Variants in MAGI3 observed in about 807,000 individuals in gnomAD.
MAGI3 encodes the protein membrane-associated guanylate kinase, WW and PDZ domain-containing protein 3.
A neutral mutation model predicts 121.8 loss-of-function variants in MAGI3; 43 were observed. The observed-to-expected ratio is 0.35, with a 90% confidence interval of 0.28 to 0.46. The LOEUF (loss-of-function observed/expected upper bound fraction) is 0.46, where lower values mean the gene tolerates loss of function less well. MAGI3 is among the 20% of genes least tolerant of loss of function. MAGI3 has a pLI of 1.00. For missense variants in MAGI3, 1,547 were observed against 1,797.3 expected (o/e 0.86, Z 2.52); for synonymous variants, 553 against 639.3 (o/e 0.86, Z 2.04).
rs201415307 is a variant in MAGI3, at chr1:113,580,847, C to CA, written c.553+194dup. On this transcript the variant is annotated intron_variant, in intron 3 of 20. Coordinates refer to ENST00000307546, the MANE Select transcript of MAGI3 (RefSeq NM_001142782.2). ...AATTAAAATGGGATTAAATAATAAG[C>CA]AAAAAAAATCCATCATATTTTAAAG... is the stretch of plus-strand genomic sequence containing the variant. 3.7e-4 allele frequency: 150 copies of CA among 407,666 alleles called. 1 individual carries two copies. The East Asian group carries it at 4.3e-3, about 12-fold the overall frequency. 25.3% of individuals were successfully genotyped at this position (407,666 alleles called of 1,614,324 possible). A position where few individuals can be genotyped will look rare whatever the true frequency, so the allele number is the denominator to read the frequency against.
intron 1 of MAGI3, among the ~76,000 whole-genome samples, chr1:113,442,390 TA>T (rs201700990): frequency 6.6e-5 from 10 of 151,190 alleles, no homozygotes; most frequent in African/African-American, 1.2e-4. Context: ...CATGGGGAAA[TA>T]AAAAAAAATT....
chr1:113,548,889 C>T (rs1004383189), intron 1 of MAGI3, among the ~76,000 whole-genome samples: 4 of 152,146 alleles, frequency 2.6e-5, no homozygotes, highest in African/African-American at 9.7e-5. Flanking sequence ...TCAAATATGT[C>T]TTGGAAGTAG....
intron 1 of MAGI3, among the ~76,000 whole-genome samples, chr1:113,514,725 T>G (rs1451974491): frequency 6.6e-6 from 1 of 151,968 alleles, no homozygotes; most frequent in Non-Finnish European, 1.5e-5. Context: ...TGTATACATA[T>G]AGTAACTAAC....
chr1:113,609,018 G>A (rs993876350), intron 6 of MAGI3, among the ~76,000 whole-genome samples: 1 of 152,018 alleles, frequency 6.6e-6, no homozygotes, highest in African/African-American at 2.4e-5. Context: ...TTTAATATGG[G>A]CTACTCTCCC....
Position 113,685,677 on chromosome 1 carries a change from C to CTAT in MAGI3, c.*1665_*1667dup, listed in dbSNP as rs1338016844. On this transcript the variant is annotated 3_prime_UTR_variant, in exon 21 of 21. Coordinates refer to ENST00000307546, the MANE Select transcript of MAGI3 (RefSeq NM_001142782.2). Reference sequence around the variant, plus strand: ...AGTCCACAATTAGTGATAACGAATCCTATTTTTGTTAACTGTGACATAACT... The same window carrying CTAT: ...AGTCCACAATTAGTGATAACGAATCCTATTATTTTTGTTAACTGTGACATAACT... The CTAT allele has an allele frequency of 6.6e-6, 1 of 152,260 alleles. No homozygotes were observed. Among genetic ancestry groups the CTAT allele is most frequent in the African/African-American group, 2.4e-5 (1 of 41,416 alleles). 9.4% of individuals were successfully genotyped at this position (152,260 alleles called of 1,614,324 possible).
At chr1:113,573,360 C>T (rs554184862) in intron 2 of MAGI3, among the ~76,000 whole-genome samples, 1 of 152,350 alleles carries the variant, frequency 6.6e-6, no homozygotes, top group Admixed American at 6.5e-5. Context: ...CTAAACACTG[C>T]TTTAGCTGTG....
chr1:113,482,668 A>G (rs987132217), intron 1 of MAGI3, among the ~76,000 whole-genome samples: 1 of 134,894 alleles, frequency 7.4e-6, no homozygotes, highest in Non-Finnish European at 1.6e-5. Flanking sequence ...TTTTTTTTTT[A>G]ACCACTGGAG....
At chr1:113,552,246 T>G (rs1169863093) in intron 2 of MAGI3, among the ~76,000 whole-genome samples, 2 of 152,226 alleles carry the variant, frequency 1.3e-5, no homozygotes, top group Non-Finnish European at 2.9e-5. Context: ...AGCTTTTTCT[T>G]TACTCGTTTT....
chr1:113,681,291 GTTC>G lies in MAGI3; in HGVS notation c.3292_3294del (p.Leu1099del), dbSNP rs755903634. 8 of 1,614,080 alleles carry G rather than the reference GTTC, an allele frequency of 5.0e-6. No homozygotes were observed. The highest frequency in any genetic ancestry group is 1.7e-5 in the Admixed American group (1 of 59,990). ...GCTCATTCAGGCTGGTGGAAATAAA[GTTC>G]TTCTTCTTTTGAGGCCAGGAACTGG... On this transcript the variant is annotated inframe_deletion, in exon 20 of 21. Transcript: ENST00000307546.
chr1:113,527,103 A>G lies in MAGI3; in HGVS notation c.317-22412A>G, dbSNP rs969553146. On this transcript the variant is annotated intron_variant, in intron 1 of 20. Transcript: ENST00000307546. The stretch of plus-strand genomic sequence containing the variant: ...ATAGTAAGTATCATATAAGTGTTCT[A>G]TAATAGTTATTGTTGCAATTGTTAA... Among the ~76,000 whole-genome samples, 3 of 152,194 alleles carry G rather than the reference A, an allele frequency of 2.0e-5. No individual in the cohort carries two copies. In the East Asian group the frequency reaches 5.8e-4, roughly 29 times the overall value.
intron 6 of MAGI3, among the ~76,000 whole-genome samples, chr1:113,610,458 C>A (rs569115604): frequency 6.6e-6 from 1 of 152,238 alleles, no homozygotes; most frequent in South Asian, 2.1e-4. Flanking sequence ...TCTCTCAAAT[C>A]TTTATCTTCT....
intron 16 of MAGI3, among the ~76,000 whole-genome samples, chr1:113,661,394 A>G (rs559888682): frequency 1.3e-5 from 2 of 152,232 alleles, no homozygotes. Flanking sequence ...TGGTTTTCCA[A>G]TTCTTGTAGA....
intron 10 of MAGI3, among the ~76,000 whole-genome samples, 186 bp downstream of exon 10, chr1:113,642,702 A>G (rs1469188523): frequency 1.3e-5 from 2 of 152,184 alleles, no homozygotes; most frequent in Non-Finnish European, 2.9e-5. Flanking sequence ...TTAAAAAATT[A>G]TTAGTGATTT....
At chr1:113,484,421 C>G (rs966342482) in intron 1 of MAGI3, among the ~76,000 whole-genome samples, 31 of 152,020 alleles carry the variant, frequency 2.0e-4, no homozygotes, top group Non-Finnish European at 2.9e-4. Flanking sequence ...TACCTCCAGT[C>G]CCCAAAGTTC....
chr1:113,614,689 C>G, intron 7 of MAGI3, 31 bp downstream of exon 7: 2 of 1,489,446 alleles, frequency 1.3e-6, no homozygotes, highest in Non-Finnish European at 1.9e-6. Context: ...AATATTCTCC[C>G]AAATATTTTC....
intron 9 of MAGI3, among the ~76,000 whole-genome samples, chr1:113,624,857 G>A (rs1332880656): frequency 6.6e-6 from 1 of 152,156 alleles, no homozygotes; most frequent in Non-Finnish European, 1.5e-5. Flanking sequence ...TTAGATTTAA[G>A]TCTTTAATTC....
intron 1 of MAGI3, among the ~76,000 whole-genome samples, chr1:113,539,208 C>T (rs1216436705): frequency 6.6e-6 from 1 of 151,986 alleles, no homozygotes; most frequent in African/African-American, 2.4e-5. Flanking sequence ...TCCTGGCCAA[C>T]ATGGTGAAAC....
intron 5 of MAGI3, among the ~76,000 whole-genome samples, chr1:113,592,377 A>C (rs959317931): frequency 2.0e-5 from 3 of 152,176 alleles, no homozygotes; most frequent in African/African-American, 7.2e-5. Context: ...ATTTCTTTTC[A>C]TTGGAAAATT....
intron 9 of MAGI3, among the ~76,000 whole-genome samples, chr1:113,623,655 T>C (rs1017575622): frequency 6.6e-6 from 1 of 151,876 alleles, no homozygotes; most frequent in Non-Finnish European, 1.5e-5. Flanking sequence ...GCCTGGCTAA[T>C]TTTTTGTATT....
Sources: allele counts gnomAD v4.1 joint callset (sites outside exome capture counted in the v4.1 genomes callset), GRCh38; gene constraint gnomAD v4.1.1; transcripts MANE v1.5; gene names NCBI Gene and HGNC (gene_info 2026-07-23, HGNC 2026-07-21).